Variants in CLEC4C observed in about 807,000 individuals in gnomAD.
CLEC4C encodes the protein C-type lectin domain family 4 member C, also known as C-type (calcium dependent, carbohydrate-recognition domain) lectin, superfamily member 11.
CLEC4C carries 17 observed loss-of-function variants against 27.7 expected under a neutral mutation model. The ratio of observed to expected loss-of-function variants is 0.61; its 90% CI spans 0.42 to 0.92. CLEC4C has a LOEUF of 0.92. Ranked by LOEUF, CLEC4C falls within the 40% of genes least tolerant of loss-of-function variation. CLEC4C has a pLI of 0.00. For synonymous variants in CLEC4C, 80 were observed against 80.8 expected, an observed-to-expected ratio of 0.99 and a Z score of 0.06; for missense variants, 244 against 257.3, an observed-to-expected ratio of 0.95 and a Z score of 0.35.
upstream of CLEC4C, chr12:7,749,473 G>A (rs1342628223): frequency 1.3e-5 from 2 of 151,852 alleles, no homozygotes; most frequent in Non-Finnish European, 2.9e-5. Flanking sequence ...GAGAATCACT[G>A]GAATTTGGGA....
intron 4 of CLEC4C, among the ~76,000 whole-genome samples, chr12:7,733,607 G>C (rs991061456): frequency 6.8e-6 from 1 of 147,172 alleles, no homozygotes; most frequent in Non-Finnish European, 1.5e-5. Context: ...TCAGCCTCCC[G>C]AGTAGCTGGA....
chr12:7,745,501 C>A (rs898245780), intron 2 of CLEC4C, among the ~76,000 whole-genome samples: 13 of 125,194 alleles, frequency 1.0e-4, no homozygotes, highest in Non-Finnish European at 1.9e-4. Context: ...GGCGTGATCT[C>A]GGCTCACTGC....
intron 2 of CLEC4C, among the ~76,000 whole-genome samples, chr12:7,746,032 A>G (rs192255056): frequency 0.01 from 1,522 of 151,464 alleles, 23 homozygotes; most frequent in East Asian, 0.041. Flanking sequence ...TGGCTAACAC[A>G]GTGAAAACCC....
intron 2 of CLEC4C, among the ~76,000 whole-genome samples, chr12:7,743,567 T>G (rs960073506): frequency 6.6e-6 from 1 of 151,716 alleles, no homozygotes; most frequent in East Asian, 1.9e-4. Context: ...TTTGTATTTT[T>G]TTTTTAGTAG....
At chr12:7,734,174 C>T (rs979914898) in intron 4 of CLEC4C, among the ~76,000 whole-genome samples, 4 of 152,162 alleles carry the variant, frequency 2.6e-5, no homozygotes, top group Non-Finnish European at 4.4e-5. Context: ...CCTCCCTCTC[C>T]GCCATATCAA....
At chr12:7,738,811 T>C (rs1294933328) in intron 3 of CLEC4C, among the ~76,000 whole-genome samples, 2 of 152,026 alleles carry the variant, frequency 1.3e-5, no homozygotes, top group Non-Finnish European at 2.9e-5. Flanking sequence ...CCTCCTATGA[T>C]AGTTTTGTTT....
upstream of CLEC4C, chr12:7,747,378 C>T (rs367692022): frequency 1.9e-6 from 3 of 1,613,048 alleles, no homozygotes; most frequent in East Asian, 2.2e-5. Context: ...TGGACTTCCT[C>T]TATCAGGTGG....
chr12:7,746,345 G>A lies in CLEC4C; in HGVS notation c.110C>T (p.Thr37Ile), dbSNP rs868292431. 1.2e-6 allele frequency: 2 copies of A among 1,612,274 alleles called. No individual in the cohort carries two copies. Among genetic ancestry groups the A allele is most frequent in the Non-Finnish European group, 1.7e-6 (2 of 1,178,424 alleles). ...VSILLLSVCFTVSSVVPHNFM... is the reference protein window; with the variant it reads ...VSILLLSVCFIVSSVVPHNFM... Reference sequence around the variant, plus strand: ...CAAGAACTTACCCACAGAACTCACAGTGAAACAGACACTGAGGAGCAAGAT... The same window carrying A: ...CAAGAACTTACCCACAGAACTCACAATGAAACAGACACTGAGGAGCAAGAT... Residue 37 changes from threonine (T) to isoleucine (I), a missense_variant, in exon 2 of 6, where the codon ACT becomes ATT. Physicochemically the swap from Thr to Ile is moderately conservative, Grantham distance 89. Coordinates refer to ENST00000360345, the MANE Select transcript of CLEC4C (RefSeq NM_001371390.1).
At chr12:7,739,205 C>T (rs1026255875) in intron 3 of CLEC4C, among the ~76,000 whole-genome samples, 5 of 150,708 alleles carry the variant, frequency 3.3e-5, no homozygotes, top group Admixed American at 6.6e-5. Flanking sequence ...CTTCGCCTCC[C>T]GGGTTCAAGC....
Position 7,736,691 on chromosome 12 carries a change from G to A in CLEC4C, c.381+738C>T, listed in dbSNP as rs185107755. 4.7e-3 allele frequency among the ~76,000 whole-genome samples: 706 copies of A among 151,814 alleles called. 4 individuals are homozygous for A. Among genetic ancestry groups the A allele is most frequent in the African/African-American group, 0.016 (667 of 41,390 alleles). ...TGGGAGGCCGAGACGGGCAGATCAC[G>A]AGGTCAGGAGATCCAGACCATCCTG... On this transcript the variant is annotated intron_variant, in intron 4 of 5. Coordinates refer to ENST00000360345, the MANE Select transcript of CLEC4C (RefSeq NM_001371390.1).
At chr12:7,748,310 G>A (rs990440483), upstream of CLEC4C, among the ~76,000 whole-genome samples, 1 of 152,170 alleles carries the variant, frequency 6.6e-6, no homozygotes, top group African/African-American at 2.4e-5. Context: ...GGCGGATCAC[G>A]AGGTCAAGAG....
rs184408994 is a variant in CLEC4C, at chr12:7,732,574, G to C, written c.382-1662C>G. Reference sequence around the variant, plus strand: ...TCACCATGTTGGCCAGGATGGTCTCGATCTCCTGACCTTGTGATCCACCCT... The same window carrying C: ...TCACCATGTTGGCCAGGATGGTCTCCATCTCCTGACCTTGTGATCCACCCT... On this transcript the variant is annotated intron_variant, in intron 4 of 5. Coordinates refer to ENST00000360345, the MANE Select transcript of CLEC4C (RefSeq NM_001371390.1). 1.2e-3 allele frequency among the ~76,000 whole-genome samples: 177 copies of C among 149,154 alleles called. 2 individuals are homozygous for C. The highest frequency in any genetic ancestry group is 4.1e-3 in the African/African-American group (164 of 40,356).
chr12:7,746,386 G>C lies in CLEC4C; in HGVS notation c.69C>G (p.Ser23=). The part of the protein sequence containing the change: ...GLWWFQLKVW[S]MAVVSILLLS... ...GGAGCAAGATGGATACGACTGCCAT[G>C]GACCAGACCTTCAACTGGAACCACC... Residue 23 remains serine (S), a synonymous_variant, in exon 2 of 6, where the codon TCC becomes TCG. Transcript: ENST00000360345. 1 of 1,613,804 alleles carries C rather than the reference G, an allele frequency of 6.2e-7. No homozygotes were observed.
intron 3 of CLEC4C, among the ~76,000 whole-genome samples, chr12:7,738,666 T>A (rs1042253006): frequency 4.6e-5 from 7 of 151,512 alleles, no homozygotes; most frequent in African/African-American, 1.7e-4. Context: ...ACCCAGCTAA[T>A]TTTTTTTGTA....
At chr12:7,743,872 TCA>T (rs1225196246) in intron 2 of CLEC4C, among the ~76,000 whole-genome samples, 1 of 152,200 alleles carries the variant, frequency 6.6e-6, no homozygotes, top group Non-Finnish European at 1.5e-5. Context: ...TTTTACTGGC[TCA>T]CAGTTCTGCA....
chr12:7,745,494 G>A lies in CLEC4C; in HGVS notation c.124+837C>T, dbSNP rs777241761. On this transcript the variant is annotated intron_variant, in intron 2 of 5. Coordinates refer to ENST00000360345, the MANE Select transcript of CLEC4C (RefSeq NM_001371390.1). ...GTCACCCAGGCTGGAGTGCAGTGGC[G>A]TGATCTCGGCTCACTGCAACCTCTG... Among the ~76,000 whole-genome samples the A allele has an allele frequency of 5.6e-4, 80 of 142,152 alleles. 1 individual carries two copies. Among genetic ancestry groups the A allele is most frequent in the African/African-American group, 1.7e-3 (64 of 37,880 alleles). 93.3% of individuals were successfully genotyped at this position (142,152 alleles called of 152,430 possible).
intron 2 of CLEC4C, among the ~76,000 whole-genome samples, chr12:7,745,313 C>T (rs752225666): frequency 1.3e-5 from 2 of 151,718 alleles, no homozygotes; most frequent in African/African-American, 4.8e-5. Flanking sequence ...AGCTGTAAGC[C>T]AGGAAGAGGG....
intron 2 of CLEC4C, among the ~76,000 whole-genome samples, chr12:7,743,979 A>C (rs1266546556): frequency 6.6e-6 from 1 of 152,184 alleles, no homozygotes; most frequent in Non-Finnish European, 1.5e-5. Context: ...GGGAGCTGGC[A>C]TATCACATGG....
At chr12:7,742,810 A>AAAATAAAT (rs71038739) in intron 2 of CLEC4C, among the ~76,000 whole-genome samples, 1,721 of 145,210 alleles carry the variant, frequency 0.012, 18 homozygotes, top group African/African-American at 0.021. Flanking sequence ...CTCCATCTCA[A>AAAATAAAT]AAATAAATAA....
Sources: allele counts gnomAD v4.1 joint callset (sites outside exome capture counted in the v4.1 genomes callset), GRCh38; gene constraint gnomAD v4.1.1; transcripts MANE v1.5; gene names NCBI Gene and HGNC (gene_info 2026-07-23, HGNC 2026-07-21).